Variants in GREB1L observed in about 807,000 individuals in gnomAD.
GREB1L encodes the protein GREB1 like retinoic acid receptor coactivator.
In GREB1L, 17 loss-of-function variants were observed where a neutral mutation model predicts 200.8. That is an observed-to-expected ratio of 0.08 (90% CI 0.06 to 0.13). The LOEUF is 0.13. GREB1L is among the 10% of genes least tolerant of loss of function. The pLI, the probability that GREB1L is intolerant of heterozygous loss-of-function variation, is 1.00. For missense variants in GREB1L, 1,657 were observed against 2,367.7 expected (o/e 0.70, Z 6.23); for synonymous variants, 789 against 893.0 (o/e 0.88, Z 2.08).
intron 5 of GREB1L, 124 bp downstream of exon 5, chr18:21,395,685 T>G: frequency 1.5e-6 from 1 of 662,340 alleles, no homozygotes; most frequent in South Asian, 2.5e-5. Flanking sequence ...TATAGTTTAG[T>G]TCAATTATGA....
intron 23 of GREB1L, among the ~76,000 whole-genome samples, chr18:21,502,575 T>A (rs2036842440): frequency 6.6e-6 from 1 of 152,232 alleles, no homozygotes; most frequent in African/African-American, 2.4e-5. Flanking sequence ...GCTTCAGGCC[T>A]GTTTCCATTT....
intron 31 of GREB1L, among the ~76,000 whole-genome samples, chr18:21,519,978 TG>T (rs998214825): frequency 1.1e-4 from 17 of 151,294 alleles, no homozygotes; most frequent in Non-Finnish European, 2.1e-4. Context: ...TGGAGTGCAA[TG>T]GTGCAATCTC....
At chr18:21,244,596 A>G (rs531587715) in intron 1 of GREB1L, among the ~76,000 whole-genome samples, 46 of 152,224 alleles carry the variant, frequency 3.0e-4, no homozygotes, top group Non-Finnish European at 5.6e-4. Context: ...AAAACTGGCT[A>G]AAGATAACCA....
At chr18:21,261,452 T>TA (rs2144118177) in intron 1 of GREB1L, among the ~76,000 whole-genome samples, 1 of 152,260 alleles carries the variant, frequency 6.6e-6, no homozygotes, top group South Asian at 2.1e-4. Flanking sequence ...CTGTTGCTTT[T>TA]AGCAGCCTTT....
At chr18:21,393,605 A>G (rs1019658337) in intron 4 of GREB1L, among the ~76,000 whole-genome samples, 3 of 152,060 alleles carry the variant, frequency 2.0e-5, no homozygotes, top group Admixed American at 1.3e-4. Context: ...ATTTTTTTGT[A>G]TCTTTAGTAG....
In GREB1L at chr18:21,500,281, G is replaced by A; in HGVS notation, c.3944G>A (p.Arg1315Gln). The stretch of plus-strand genomic sequence containing the variant: ...GGCACCCGAAACTTCCACCCCCGAC[G>A]GCTCCTGCTGACAGGGCCCCCACAG... Reference protein sequence around the residue: ...ASGTRNFHPRRLLLTGPPQVG... With the variant: ...ASGTRNFHPRQLLLTGPPQVG... The change falls in exon 22 of 33, where the codon CGG (arginine) becomes CAG (glutamine). Residue 1315 changes from arginine (R) to glutamine (Q), a missense_variant. By Grantham distance (43) the Arg-to-Gln change is conservative (BLOSUM62 1). Coordinates refer to ENST00000424526, the MANE Select transcript of GREB1L (RefSeq NM_001142966.3). The A allele has an allele frequency of 1.4e-6, 2 of 1,379,690 alleles. No homozygotes were observed. Among genetic ancestry groups the A allele is most frequent in the Non-Finnish European group, 2.0e-6 (2 of 1,003,188 alleles). 85.5% of individuals were successfully genotyped at this position (1,379,690 alleles called of 1,614,324 possible). A position where few individuals can be genotyped will look rare whatever the true frequency, so the allele number is the denominator to read the frequency against.
chr18:21,260,616 G>A (rs1459146845), intron 1 of GREB1L, among the ~76,000 whole-genome samples: 1 of 151,862 alleles, frequency 6.6e-6, no homozygotes, highest in African/African-American at 2.4e-5. Flanking sequence ...TTTGTCTTAG[G>A]TGTTTAGAAA....
rs1173278196 is a variant in GREB1L, at chr18:21,490,317, T to C, written c.2996T>C (p.Leu999Pro). 1.3e-5 allele frequency: 20 copies of C among 1,551,808 alleles called. No homozygotes were observed. In the South Asian group the frequency reaches 2.1e-4, roughly 17 times the overall value. The part of the protein sequence containing the change: ...EIILGNPATE[L>P]SVATHFVARL... The stretch of plus-strand genomic sequence containing the variant: ...ATCCTTGGGAACCCGGCCACCGAAC[T>C]CAGTGTTGCAACTCACTTTGTGGCG... Residue 999 changes from leucine (L) to proline (P), a missense_variant, in exon 19 of 33, where the codon CTC becomes CCC. This residue lies in a region of GREB1L where 512 missense variants were observed against 668.3 expected (regional missense o/e 0.77). Transcript: ENST00000424526.
intron 2 of GREB1L, among the ~76,000 whole-genome samples, chr18:21,370,439 T>TA (rs2039830193): frequency 6.6e-6 from 1 of 152,230 alleles, no homozygotes; most frequent in African/African-American, 2.4e-5. Flanking sequence ...ACTGAAAACT[T>TA]ACAGGAAGTG....
chr18:21,391,975 A>G (rs893966865), intron 4 of GREB1L, among the ~76,000 whole-genome samples: 1 of 151,918 alleles, frequency 6.6e-6, no homozygotes, highest in African/African-American at 2.4e-5. Context: ...ACCCCCAGCT[A>G]ATGTTTGTAT....
At chr18:21,413,327 C>G (rs1209610098) in intron 7 of GREB1L, among the ~76,000 whole-genome samples, 1 of 152,160 alleles carries the variant, frequency 6.6e-6, no homozygotes, top group East Asian at 1.9e-4. Flanking sequence ...GTGTATCATT[C>G]AACCGTCCCT....
intron 1 of GREB1L, among the ~76,000 whole-genome samples, chr18:21,353,875 T>C (rs2039468424): frequency 6.6e-6 from 1 of 152,202 alleles, no homozygotes; most frequent in African/African-American, 2.4e-5. Flanking sequence ...AACCTCTGCC[T>C]CCTGGGTTCA....
intron 1 of GREB1L, among the ~76,000 whole-genome samples, chr18:21,327,665 GAAGAA>G (rs1401276970): frequency 6.7e-6 from 1 of 150,348 alleles, no homozygotes; most frequent in Non-Finnish European, 1.5e-5. Context: ...AAAAAAAAAG[GAAGAA>G]AGAAGAAGGC....
intron 4 of GREB1L, among the ~76,000 whole-genome samples, chr18:21,386,593 CTTTT>C (rs35010034): frequency 8.7e-6 from 1 of 115,172 alleles, no homozygotes; most frequent in African/African-American, 3.7e-5. Flanking sequence ...TGGCCAGTAG[CTTTT>C]TTTTTTTTTT....
intron 9 of GREB1L, among the ~76,000 whole-genome samples, chr18:21,440,952 A>G (rs530011335): frequency 2.6e-3 from 403 of 152,378 alleles, no homozygotes; most frequent in Non-Finnish European, 4.1e-3. Context: ...TAAAGACTAC[A>G]TAGACATCTT....
At chr18:21,448,544 A>G (rs1226402490) in intron 11 of GREB1L, among the ~76,000 whole-genome samples, 1 of 152,096 alleles carries the variant, frequency 6.6e-6, no homozygotes, top group Non-Finnish European at 1.5e-5. Flanking sequence ...TTGTTCTTCC[A>G]TAAGGGGCTT....
chr18:21,376,574 G>A (rs1384436773), intron 2 of GREB1L, among the ~76,000 whole-genome samples: 4 of 151,788 alleles, frequency 2.6e-5, no homozygotes, highest in African/African-American at 4.8e-5. Flanking sequence ...GGAGGCCAAG[G>A]TGGGCGGATC....
intron 11 of GREB1L, among the ~76,000 whole-genome samples, chr18:21,446,462 AG>A (rs2034226647): frequency 6.6e-6 from 1 of 152,262 alleles, no homozygotes; most frequent in Non-Finnish European, 1.5e-5. Context: ...AAAGAAAAAA[AG>A]AAACAATTTC....
At chr18:21,481,557 G>T (rs1409698811) in intron 17 of GREB1L, among the ~76,000 whole-genome samples, 2 of 149,766 alleles carry the variant, frequency 1.3e-5, no homozygotes, top group Admixed American at 6.7e-5. Context: ...ACAGCTTGAT[G>T]AATTTTTACA....
Sources: allele counts gnomAD v4.1 joint callset (sites outside exome capture counted in the v4.1 genomes callset), GRCh38; gene constraint gnomAD v4.1.1; regional missense constraint gnomAD v4.1.1; transcripts MANE v1.5; gene names NCBI Gene and HGNC (gene_info 2026-07-23, HGNC 2026-07-21).